CAMK2B: variants seen among roughly 807,000 people sequenced by gnomAD.
The protein encoded by CAMK2B is calcium/calmodulin dependent protein kinase II beta, also known as calcium/calmodulin-dependent protein kinase type II subunit beta.
In CAMK2B, 27 loss-of-function variants were observed where a neutral mutation model predicts 93.7. The observed-to-expected ratio is 0.29, with a 90% CI of 0.21 to 0.40. The LOEUF is 0.40. CAMK2B is among the 10% of genes least tolerant of loss of function. The pLI, the probability that CAMK2B is intolerant of heterozygous loss-of-function variation, is 1.00. For missense variants in CAMK2B, 568 were observed against 895.8 expected (o/e 0.63, Z 4.67); for synonymous variants, 374 against 358.8 (o/e 1.04, Z -0.48).
At chr7:44,246,031 G>A (rs1026615669) in intron 6 of CAMK2B, among the ~76,000 whole-genome samples, 1 of 152,130 alleles carries the variant, frequency 6.6e-6, no homozygotes, top group African/African-American at 2.4e-5. Context: ...GCTTCTGAGA[G>A]GCCACCCTGT....
At chr7:44,274,359 C>T (rs986601425) in intron 2 of CAMK2B, among the ~76,000 whole-genome samples, 13 of 152,220 alleles carry the variant, frequency 8.5e-5, no homozygotes, top group African/African-American at 3.1e-4. Flanking sequence ...TTCCAGGGCT[C>T]CCTGCAGCTG....
chr7:44,222,176 C>A (rs1041907937), intron 20 of CAMK2B, among the ~76,000 whole-genome samples: 17 of 152,206 alleles, frequency 1.1e-4, no homozygotes, highest in African/African-American at 3.9e-4. Context: ...AAACTCAAAC[C>A]CCCAGAAGTG....
intron 18 of CAMK2B, 196 bp downstream of exon 18, chr7:44,229,192 G>C (rs760917459): frequency 1.2e-4 from 71 of 611,504 alleles, no homozygotes; most frequent in South Asian, 9.8e-4. Flanking sequence ...CAGGAAAGTG[G>C]TCCAGGGCCC....
chr7:44,226,406 G>A, intron 20 of CAMK2B, 110 bp downstream of exon 20: 1 of 899,702 alleles, frequency 1.1e-6, no homozygotes, highest in East Asian at 3.3e-5. Flanking sequence ...GGGATCCTGT[G>A]CCCCGCCCTC....
chr7:44,292,998 G>A (rs541173584), intron 1 of CAMK2B, among the ~76,000 whole-genome samples: 6 of 152,314 alleles, frequency 3.9e-5, no homozygotes, highest in Admixed American at 1.3e-4. Flanking sequence ...ATCTCAGAAC[G>A]AGAAAACCCA....
intron 2 of CAMK2B, among the ~76,000 whole-genome samples, chr7:44,283,510 CT>C (rs1784285890): frequency 6.6e-6 from 1 of 152,242 alleles, no homozygotes; most frequent in African/African-American, 2.4e-5. Flanking sequence ...CGCACACACC[CT>C]GCACGTCTGA....
chr7:44,239,685 CGAGGGGAAGG>C, intron 12 of CAMK2B, 22 bp from the exon 13 acceptor site: 1 of 1,291,232 alleles, frequency 7.7e-7, no homozygotes, highest in Non-Finnish European at 1.0e-6. Context: ...GGGTTAGAGA[CGAGGGGAAGG>C]GAGGGGTGGG....
At position 44,318,367 on chromosome 7, in the gene CAMK2B, A is replaced by G. The variant is rs538838497; in HGVS notation, c.65+6990T>C. 5.9e-5 allele frequency among the ~76,000 whole-genome samples: 9 copies of G among 152,308 alleles called. No homozygotes were observed. The South Asian group carries it at 1.9e-3, about 32-fold the overall frequency. ...GCAGAGCCACCCAATACCTCTTATA[A>G]GGCCCTCATCTTTTACAGGGTGGGT... On this transcript the variant is annotated intron_variant, in intron 1 of 23. Coordinates refer to ENST00000395749, the MANE Select transcript of CAMK2B (RefSeq NM_001220.5).
intron 19 of CAMK2B, among the ~76,000 whole-genome samples, chr7:44,228,133 T>A (rs1034569510): frequency 9.2e-5 from 14 of 151,840 alleles, no homozygotes; most frequent in Non-Finnish European, 1.9e-4. Context: ...GTCAGGTAAG[T>A]GGCCCTTGAG....
chr7:44,247,467 CCT>C lies in CAMK2B; in HGVS notation c.342-277_342-276del, dbSNP rs553869726. The stretch of plus-strand genomic sequence containing the variant: ...AGAAGTGACTTTCAAAGGAAACACC[CCT>C]GTCCCCAGGCTCCTGTTGGCCAAGC... On this transcript the variant is annotated intron_variant, in intron 5 of 23. Transcript: ENST00000395749. 2.0e-5 allele frequency among the ~76,000 whole-genome samples: 3 copies of C among 152,332 alleles called. No homozygotes were observed. In the South Asian group the frequency reaches 6.2e-4, roughly 32 times the overall value.
chr7:44,236,119 G>A (rs780690922), intron 13 of CAMK2B, among the ~76,000 whole-genome samples: 1 of 152,112 alleles, frequency 6.6e-6, no homozygotes, highest in Non-Finnish European at 1.5e-5. Context: ...TGGTTCTGAC[G>A]CTGGGTGCTC....
At chr7:44,287,526 G>A (rs980357967) in intron 1 of CAMK2B, among the ~76,000 whole-genome samples, 2 of 152,158 alleles carry the variant, frequency 1.3e-5, no homozygotes, top group African/African-American at 4.8e-5. Context: ...CCTTGGAAGT[G>A]TCAGCCCTCT....
intron 1 of CAMK2B, among the ~76,000 whole-genome samples, chr7:44,285,349 G>A (rs1179582872): frequency 6.6e-6 from 1 of 152,192 alleles, no homozygotes; most frequent in African/African-American, 2.4e-5. Flanking sequence ...GAGAAAGGGG[G>A]GCTTGGAGGA....
At position 44,239,607 on chromosome 7, in the gene CAMK2B, T is replaced by C. The variant is rs1169467321; in HGVS notation, c.1003A>G (p.Met335Val). 2 of 1,542,678 alleles carry C rather than the reference T, an allele frequency of 1.3e-6. No homozygotes were observed. Among genetic ancestry groups the C allele is most frequent in the South Asian group, 1.2e-5 (1 of 83,822 alleles). ...CATCTACCTTGTTCCACCAGCCCCA[T>C]GGTGGTGCCGGAGGCCGCGGTGGAC... ...TMSTAASGTT[M>V]GLVEQAKSLL... The change falls in exon 13 of 24, where the codon ATG becomes GTG. Residue 335 changes from methionine to valine, a missense_variant. This residue lies in a region of CAMK2B where 308 missense variants were observed against 292.1 expected (regional missense o/e 1.05). Transcript: ENST00000395749.
chr7:44,261,961 T>C (rs905313975), intron 3 of CAMK2B, among the ~76,000 whole-genome samples: 9 of 152,202 alleles, frequency 5.9e-5, no homozygotes, highest in Non-Finnish European at 1.2e-4. Flanking sequence ...AGAGCCCACC[T>C]GGGGCTGCAG....
chr7:44,242,783 G>A, intron 8 of CAMK2B, 129 bp from the exon 9 acceptor site: 1 of 662,564 alleles, frequency 1.5e-6, no homozygotes, highest in Non-Finnish European at 2.7e-6. Context: ...GCATTCCTTT[G>A]CCCCCACCTG....
intron 1 of CAMK2B, among the ~76,000 whole-genome samples, chr7:44,303,648 T>C (rs1035197697): frequency 3.9e-5 from 6 of 152,208 alleles, no homozygotes; most frequent in Non-Finnish European, 7.4e-5. Context: ...CTTTAAAACT[T>C]CTAAAAAATA....
chr7:44,220,756 T>C (rs780289446), intron 21 of CAMK2B, 46 bp from the exon 22 acceptor site: 2 of 1,573,714 alleles, frequency 1.3e-6, no homozygotes, highest in East Asian at 2.3e-5. Context: ...GACCCCTGAC[T>C]CTGAGCAGGC....
intron 21 of CAMK2B, 44 bp downstream of exon 21, chr7:44,220,782 A>C: frequency 1.3e-6 from 2 of 1,555,978 alleles, no homozygotes; most frequent in Non-Finnish European, 1.7e-6. Context: ...CAAGGGTCCC[A>C]CATCCTTGTC....
Sources: allele counts gnomAD v4.1 joint callset (sites outside exome capture counted in the v4.1 genomes callset), GRCh38; gene constraint gnomAD v4.1.1; regional missense constraint gnomAD v4.1.1; transcripts MANE v1.5; gene names NCBI Gene and HGNC (gene_info 2026-07-23, HGNC 2026-07-21).